Variants in DNM3 observed in about 807,000 individuals in gnomAD.
DNM3 encodes the protein dynamin-3.
A neutral mutation model predicts 101.6 loss-of-function variants in DNM3; 47 were observed. That is an observed-to-expected ratio of 0.46 (90% CI 0.37 to 0.59). The LOEUF is 0.59. DNM3 is among the 20% of genes least tolerant of loss of function. The pLI is 0.00. For synonymous variants in DNM3, 385 were observed against 387.9 expected (o/e 0.99, Z 0.09); for missense variants, 849 against 1,085.7 (o/e 0.78, Z 3.06).
chr1:172,398,888 T>A (rs1031047338), intron 20 of DNM3, among the ~76,000 whole-genome samples: 1 of 152,232 alleles, frequency 6.6e-6, no homozygotes. Flanking sequence ...ACCATTAAGG[T>A]GTAAAACAAA....
rs527432554 is a variant in DNM3 at position 172,290,333 on chromosome 1, C to G, written c.1770-18395C>G. Reference sequence around the variant, plus strand: ...GCTAGAGGGGTTAGGGGAGGCTTCTCTAGGGGATATTAGTGGATTATCAAT... The same window carrying G: ...GCTAGAGGGGTTAGGGGAGGCTTCTGTAGGGGATATTAGTGGATTATCAAT... On this transcript the variant is annotated intron_variant, in intron 15 of 20. Coordinates refer to ENST00000627582, the MANE Select transcript of DNM3 (RefSeq NM_015569.5). Among the ~76,000 whole-genome samples the G allele has an allele frequency of 1.6e-3, 247 of 152,142 alleles. 1 individual carries two copies. The highest frequency in any genetic ancestry group is 5.4e-3 in the African/African-American group (225 of 41,508).
At position 172,409,871 on chromosome 1, in the gene DNM3, T is replaced by A; in HGVS notation, c.*2030T>A. The A allele has an allele frequency of 1.0e-6, 1 of 985,778 alleles. No individual in the cohort carries two copies. Among genetic ancestry groups the A allele is most frequent in the Non-Finnish European group, 1.2e-6 (1 of 829,892 alleles). The allele number at this position is 985,778 out of a possible 1,614,324, so 61.1% of individuals were successfully genotyped here. A position where few individuals can be genotyped will look rare whatever the true frequency, so the allele number is the denominator to read the frequency against. On this transcript the variant is annotated 3_prime_UTR_variant, in exon 21 of 21. Coordinates refer to ENST00000627582, the MANE Select transcript of DNM3 (RefSeq NM_015569.5). ...TTTTGCTGTATTTCAAAATTTTCCT[T>A]CTGTTAAAGGAAAATATTGTGAATA...
At chr1:171,870,862 A>G (rs2035213258) in intron 1 of DNM3, among the ~76,000 whole-genome samples, 1 of 152,214 alleles carries the variant, frequency 6.6e-6, no homozygotes, top group African/African-American at 2.4e-5. Flanking sequence ...AGTTTATGAA[A>G]GAAGTATCAT....
intron 14 of DNM3, among the ~76,000 whole-genome samples, chr1:172,223,542 T>C (rs184433434): frequency 6.6e-6 from 1 of 152,266 alleles, no homozygotes; most frequent in East Asian, 1.9e-4. Context: ...CTCCATCTCC[T>C]CTTGGATGTC....
At chr1:172,157,595 T>A (rs1244872879) in intron 14 of DNM3, among the ~76,000 whole-genome samples, 1 of 152,088 alleles carries the variant, frequency 6.6e-6, no homozygotes, top group African/African-American at 2.4e-5. Context: ...AATTGCAGAT[T>A]GAAAATATTT....
chr1:172,174,093 G>A (rs2059067481), intron 14 of DNM3, among the ~76,000 whole-genome samples: 3 of 151,564 alleles, frequency 2.0e-5, no homozygotes, highest in Non-Finnish European at 4.4e-5. Context: ...AGAAAAACTA[G>A]CTCTGTTGAT....
intron 13 of DNM3, among the ~76,000 whole-genome samples, chr1:172,093,149 G>T (rs1479722831): frequency 1.3e-5 from 2 of 152,074 alleles, no homozygotes; most frequent in African/African-American, 4.8e-5. Context: ...TATTTTGCTT[G>T]CTTACGTTAC....
chr1:172,178,977 A>G (rs567043409), intron 14 of DNM3, among the ~76,000 whole-genome samples: 3 of 152,034 alleles, frequency 2.0e-5, no homozygotes, highest in African/African-American at 7.2e-5. Context: ...AAATATAAGG[A>G]ATGCTTTGAA....
intron 13 of DNM3, among the ~76,000 whole-genome samples, chr1:172,122,056 T>C (rs2056355091): frequency 6.6e-6 from 1 of 152,210 alleles, no homozygotes; most frequent in South Asian, 2.1e-4. Context: ...CTGTGTTCAT[T>C]ATACATTAAA....
chr1:172,165,202 ACTCT>A (rs2058701665), intron 14 of DNM3, among the ~76,000 whole-genome samples: 2 of 152,002 alleles, frequency 1.3e-5, no homozygotes, highest in African/African-American at 4.8e-5. Context: ...GTAAATGGAA[ACTCT>A]CTACTATTCT....
chr1:172,186,611 G>A (rs676081), intron 14 of DNM3, among the ~76,000 whole-genome samples: 74,571 of 151,800 alleles, frequency 0.49, 20,042 homozygotes, highest in African/African-American at 0.72. Context: ...TTGATACAAA[G>A]GCTGCTACTT....
intron 1 of DNM3, among the ~76,000 whole-genome samples, chr1:171,877,888 C>T (rs1021050048): frequency 7.9e-5 from 12 of 152,036 alleles, no homozygotes; most frequent in Non-Finnish European, 1.3e-4. Flanking sequence ...AGACTTAGAC[C>T]GGGTGTCTGA....
chr1:171,977,738 G>C (rs969212038), intron 2 of DNM3, among the ~76,000 whole-genome samples: 4 of 151,980 alleles, frequency 2.6e-5, no homozygotes, highest in Non-Finnish European at 4.4e-5. Flanking sequence ...ACTCTTTCAG[G>C]CTCCCTTGCC....
At chr1:172,265,980 C>T (rs184031667) in intron 15 of DNM3, among the ~76,000 whole-genome samples, 3 of 152,250 alleles carry the variant, frequency 2.0e-5, no homozygotes, top group Admixed American at 6.5e-5. Context: ...TCCAATTCAC[C>T]TCCTCCCCCT....
At chr1:171,927,605 A>T (rs2040680003) in intron 2 of DNM3, among the ~76,000 whole-genome samples, 2 of 152,260 alleles carry the variant, frequency 1.3e-5, no homozygotes, top group Non-Finnish European at 2.9e-5. Flanking sequence ...CAGACATGAA[A>T]TCTACCTAAA....
chr1:172,063,665 A>G (rs1041156165), intron 10 of DNM3, among the ~76,000 whole-genome samples: 1 of 151,562 alleles, frequency 6.6e-6, no homozygotes, highest in Admixed American at 6.6e-5. Flanking sequence ...TATAGTTCCA[A>G]CTACTCAGGA....
At chr1:172,054,694 C>T (rs769131966) in intron 10 of DNM3, among the ~76,000 whole-genome samples, 21 of 152,232 alleles carry the variant, frequency 1.4e-4, no homozygotes, top group Non-Finnish European at 2.6e-4. Context: ...CGAGGTGGCT[C>T]ATGCCTGTAA....
intron 14 of DNM3, among the ~76,000 whole-genome samples, chr1:172,181,943 G>A (rs1357800803): frequency 6.6e-6 from 1 of 151,886 alleles, no homozygotes; most frequent in Non-Finnish European, 1.5e-5. Flanking sequence ...CTCATTAGGT[G>A]CTGATGAATC....
chr1:172,416,150 T>A (rs1368413180), downstream of DNM3, among the ~76,000 whole-genome samples: 1 of 152,214 alleles, frequency 6.6e-6, no homozygotes, highest in Non-Finnish European at 1.5e-5. Flanking sequence ...AATACTAGGA[T>A]GGTGAGCTTA....
Sources: allele counts gnomAD v4.1 joint callset (sites outside exome capture counted in the v4.1 genomes callset), GRCh38; gene constraint gnomAD v4.1.1; transcripts MANE v1.5; gene names NCBI Gene and HGNC (gene_info 2026-07-23, HGNC 2026-07-21).